The following RYR3 variants were observed in gnomAD, a reference collection of about 807,000 sequenced individuals.
RYR3 encodes the protein brain ryanodine receptor-calcium release channel.
A neutral mutation model predicts 584.3 loss-of-function variants in RYR3; 207 were observed. The ratio of observed to expected loss-of-function variants is 0.35; its 90% CI spans 0.32 to 0.40. RYR3 has a LOEUF of 0.40. RYR3 is among the 10% of genes least tolerant of loss of function. The probability of loss-of-function intolerance (pLI) is 1.00; values close to 1 mark genes in which losing one functional copy is unlikely to be tolerated. For missense variants in RYR3, 5,616 were observed against 6,089.2 expected (o/e 0.92, Z 2.59); for synonymous variants, 2,416 against 2,248.5 (o/e 1.07, Z -2.11).
At chr15:33,864,117 A>ACTAT in intron 102 of RYR3, 21 bp from the exon 103 acceptor site, 3 of 1,595,854 alleles carry the variant, frequency 1.9e-6, no homozygotes, top group Admixed American at 1.7e-5. Context: ...AGTATCTAAT[A>ACTAT]CTATCTTTTC....
At chr15:33,770,273 T>TA (rs1256738554) in intron 62 of RYR3, among the ~76,000 whole-genome samples, 1 of 152,256 alleles carries the variant, frequency 6.6e-6, no homozygotes, top group East Asian at 1.9e-4. Context: ...AGAATGGCTA[T>TA]AAAAAAGGAG....
rs200623361 is a variant in RYR3, at chr15:33,561,916, A to AG, written c.973-921_973-920insG. 1.7e-3 allele frequency among the ~76,000 whole-genome samples: 256 copies of AG among 152,208 alleles called. 2 individuals carry two copies. Among genetic ancestry groups the AG allele is most frequent in the African/African-American group, 4.9e-3 (205 of 41,532 alleles). ...CCTGGGCTCAAAAAGAAAAAAAAAA[A>AG]AGAGAGAGAAATGTTTTTGCAAATA... On this transcript the variant is annotated intron_variant, in intron 10 of 103. Transcript: ENST00000634891.
intron 35 of RYR3, 92 bp downstream of exon 35, chr15:33,663,040 G>A (rs1282999119): frequency 2.6e-6 from 3 of 1,165,438 alleles, no homozygotes; most frequent in Non-Finnish European, 3.7e-6. Flanking sequence ...AGGAGGTAAG[G>A]TATGTCAAGT....
At chr15:33,422,635 G>A (rs961675402) in intron 1 of RYR3, among the ~76,000 whole-genome samples, 1 of 152,108 alleles carries the variant, frequency 6.6e-6, no homozygotes, top group African/African-American at 2.4e-5. Context: ...ACAGAACTGC[G>A]TGGGCAAGCA....
chr15:33,466,586 G>A (rs973254888), intron 1 of RYR3, among the ~76,000 whole-genome samples: 6 of 152,146 alleles, frequency 3.9e-5, no homozygotes, highest in African/African-American at 1.4e-4. Context: ...TGTCTGAGAG[G>A]TGGACACTGG....
At chr15:33,857,551 C>G (rs2079822138) in intron 98 of RYR3, among the ~76,000 whole-genome samples, 1 of 152,096 alleles carries the variant, frequency 6.6e-6, no homozygotes, top group African/African-American at 2.4e-5. Flanking sequence ...GCCCCCAACA[C>G]CCCATCATTA....
intron 102 of RYR3, among the ~76,000 whole-genome samples, chr15:33,862,953 G>A (rs1888962658): frequency 6.6e-6 from 1 of 152,154 alleles, no homozygotes; most frequent in Admixed American, 6.5e-5. Flanking sequence ...ACTTTACTGT[G>A]CCCTTCCTCA....
chr15:33,774,618 G>A (rs1305183860), intron 64 of RYR3, among the ~76,000 whole-genome samples: 6 of 152,172 alleles, frequency 3.9e-5, no homozygotes, highest in East Asian at 1.9e-4. Flanking sequence ...TTGTAGAAAT[G>A]TCTGTTTCTT....
Position 33,660,289 on chromosome 15 carries a change from G to A in RYR3, c.4488G>A (p.Gln1496=). ...CTCGGCTGGACGTCCAAACCATCCA[G>A]CCCGTGCTCTGGAGCCGCATGCCCA... ...CPPRLDVQTI[Q]PVLWSRMPNS... The change falls in exon 34 of 104, where the codon CAG becomes CAA. Residue 1496 remains glutamine (Q), a synonymous_variant. Transcript: ENST00000634891. The A allele has an allele frequency of 6.4e-7, 1 of 1,565,980 alleles. No individual in the cohort carries two copies. The highest frequency in any genetic ancestry group is 8.7e-7 in the Non-Finnish European group (1 of 1,155,440).
chr15:33,765,030 CAAAAAAA>C (rs1183335863), intron 60 of RYR3, among the ~76,000 whole-genome samples: 2 of 85,778 alleles, frequency 2.3e-5, no homozygotes, highest in Non-Finnish European at 4.1e-5. Context: ...GACTTCGTCT[CAAAAAAA>C]AAAAAAAAAA....
chr15:33,406,762 GT>G (rs201932476), intron 1 of RYR3, among the ~76,000 whole-genome samples: 4 of 151,936 alleles, frequency 2.6e-5, no homozygotes, highest in African/African-American at 4.8e-5. Flanking sequence ...CCATTTCATT[GT>G]TTTTTTTAAC....
chr15:33,757,898 C>A, intron 60 of RYR3: 4 of 349,710 alleles, frequency 1.1e-5, no homozygotes, highest in East Asian at 5.7e-5. Context: ...CCCAGCGAGA[C>A]CAACGCAGAA....
intron 1 of RYR3, among the ~76,000 whole-genome samples, chr15:33,448,622 G>A (rs1399880383): frequency 2.6e-5 from 4 of 152,232 alleles, no homozygotes; most frequent in Admixed American, 6.5e-5. Context: ...GTAATGATGA[G>A]GGCCTTTTGC....
intron 32 of RYR3, among the ~76,000 whole-genome samples, chr15:33,656,373 T>A (rs1311515386): frequency 1.3e-5 from 2 of 152,216 alleles, no homozygotes; most frequent in Non-Finnish European, 2.9e-5. Flanking sequence ...AGAGGCCCTC[T>A]CCTGTGCTCA....
At chr15:33,415,720 A>T (rs557241178) in intron 1 of RYR3, among the ~76,000 whole-genome samples, 1 of 152,052 alleles carries the variant, frequency 6.6e-6, no homozygotes, top group Non-Finnish European at 1.5e-5. Context: ...TTTTTAAAAA[A>T]ATTTAGATTT....
chr15:33,392,460 A>G (rs2042064364), intron 1 of RYR3, among the ~76,000 whole-genome samples: 1 of 151,956 alleles, frequency 6.6e-6, no homozygotes, highest in Admixed American at 6.5e-5. Context: ...GGTGAGCGGC[A>G]GGTCACTCTG....
chr15:33,733,508 T>G (rs2069140831), intron 48 of RYR3, among the ~76,000 whole-genome samples: 1 of 152,190 alleles, frequency 6.6e-6, no homozygotes. Context: ...AAAGGCTACA[T>G]GCTGTATGAT....
intron 1 of RYR3, among the ~76,000 whole-genome samples, chr15:33,313,469 A>C (rs996676355): frequency 4.6e-5 from 7 of 152,190 alleles, no homozygotes; most frequent in African/African-American, 1.7e-4. Flanking sequence ...TTTGGAATCC[A>C]ATAGCCATAA....
chr15:33,738,811 A>C (rs1279282271), intron 50 of RYR3, among the ~76,000 whole-genome samples: 1 of 152,240 alleles, frequency 6.6e-6, no homozygotes, highest in Admixed American at 6.5e-5. Context: ...ATAAATTTTC[A>C]CATTCACAAA....
Sources: allele counts gnomAD v4.1 joint callset (sites outside exome capture counted in the v4.1 genomes callset), GRCh38; gene constraint gnomAD v4.1.1; transcripts MANE v1.5; gene names NCBI Gene and HGNC (gene_info 2026-07-23, HGNC 2026-07-21).